Variants in NFIA observed in about 807,000 individuals in gnomAD.
The protein encoded by NFIA is nuclear factor I A, also known as nuclear factor 1 A-type.
NFIA carries 8 observed loss-of-function variants against 62.8 expected under a neutral mutation model. The observed-to-expected ratio is 0.13, with a 90% CI of 0.07 to 0.23. The LOEUF is 0.23. NFIA is among the 10% of genes least tolerant of loss of function. NFIA has a pLI of 1.00. For synonymous variants in NFIA, 235 were observed against 238.1 expected (o/e 0.99, Z 0.12); for missense variants, 410 against 642.1 (o/e 0.64, Z 3.91).
chr1:61,296,606 A>G (rs1032492141), intron 3 of NFIA, among the ~76,000 whole-genome samples: 1 of 152,178 alleles, frequency 6.6e-6, no homozygotes, highest in African/African-American at 2.4e-5. Flanking sequence ...ATAAGATTTA[A>G]ATCCCTGACA....
intron 9 of NFIA, among the ~76,000 whole-genome samples, chr1:61,407,604 T>G (rs1557763719): frequency 1.3e-5 from 2 of 152,012 alleles, no homozygotes. Context: ...ATAGATGGTG[T>G]GATGAGCACC....
At chr1:61,237,124 A>G (rs1381137550) in intron 2 of NFIA, among the ~76,000 whole-genome samples, 1 of 152,166 alleles carries the variant, frequency 6.6e-6, no homozygotes, top group East Asian at 1.9e-4. Context: ...CTCCACCACC[A>G]TGTTGAATGA....
At chr1:61,453,605 T>C (rs912063303) in intron 10 of NFIA, among the ~76,000 whole-genome samples, 10 of 152,000 alleles carry the variant, frequency 6.6e-5, no homozygotes, top group African/African-American at 2.2e-4. Context: ...AGAACTACCT[T>C]AGTGTCAGAT....
intron 4 of NFIA, 77 bp downstream of exon 4, chr1:61,332,663 C>A: frequency 8.5e-7 from 1 of 1,180,718 alleles, no homozygotes; most frequent in Non-Finnish European, 1.2e-6. Context: ...CTCCTAGAGA[C>A]CAAAAAAAGC....
At chr1:61,371,735 A>G (rs1295685211) in intron 6 of NFIA, among the ~76,000 whole-genome samples, 2 of 152,120 alleles carry the variant, frequency 1.3e-5, no homozygotes, top group African/African-American at 4.8e-5. Context: ...GGCAATTGTC[A>G]TTTGAGAGTT....
At chr1:61,402,419 A>G (rs1665613348) in intron 7 of NFIA, among the ~76,000 whole-genome samples, 2 of 152,046 alleles carry the variant, frequency 1.3e-5, no homozygotes, top group Admixed American at 6.6e-5. Flanking sequence ...ATTTTATTCT[A>G]TGTTTAACGG....
intron 2 of NFIA, among the ~76,000 whole-genome samples, chr1:61,128,756 C>T (rs897484649): frequency 6.6e-6 from 1 of 151,932 alleles, no homozygotes; most frequent in African/African-American, 2.4e-5. Context: ...AATGATTTTA[C>T]ATATGTTAAG....
intron 8 of NFIA, among the ~76,000 whole-genome samples, chr1:61,405,617 G>A (rs1665778410): frequency 6.6e-6 from 1 of 152,100 alleles, no homozygotes; most frequent in Non-Finnish European, 1.5e-5. Flanking sequence ...AAACTGAGCT[G>A]ATCACCAGCA....
At chr1:61,305,330 A>G (rs768409489) in intron 3 of NFIA, among the ~76,000 whole-genome samples, 7 of 152,318 alleles carry the variant, frequency 4.6e-5, no homozygotes, top group South Asian at 2.1e-4. Context: ...GAGGTTAACC[A>G]TAAGCAACTC....
At chr1:61,402,570 G>A (rs111340539) in intron 7 of NFIA, among the ~76,000 whole-genome samples, 150 of 152,306 alleles carry the variant, frequency 9.8e-4, no homozygotes, top group African/African-American at 3.5e-3. Context: ...TGGGAGAAGT[G>A]TAAGCTTGAG....
At chr1:61,349,816 C>T (rs1048151849) in intron 4 of NFIA, among the ~76,000 whole-genome samples, 6 of 151,896 alleles carry the variant, frequency 4.0e-5, no homozygotes, top group Non-Finnish European at 7.4e-5. Context: ...TGGTCTTGAA[C>T]TTTTGGTCTC....
chr1:61,374,058 T>C (rs72666653), intron 6 of NFIA, among the ~76,000 whole-genome samples: 12,806 of 152,192 alleles, frequency 0.084, 625 homozygotes, highest in Middle Eastern at 0.13. Context: ...TTAATTTTAA[T>C]TAATTTAGAT....
At chr1:61,148,541 A>G (rs1193243403) in intron 2 of NFIA, among the ~76,000 whole-genome samples, 1 of 152,186 alleles carries the variant, frequency 6.6e-6, no homozygotes, top group Non-Finnish European at 1.5e-5. Context: ...TTGGGTAACA[A>G]CAGAGAGCTG....
At chr1:61,391,551 A>G (rs935443245) in intron 7 of NFIA, among the ~76,000 whole-genome samples, 2 of 151,944 alleles carry the variant, frequency 1.3e-5, no homozygotes, top group Non-Finnish European at 1.5e-5. Context: ...CCAGCCTAAT[A>G]TATGTTTGGT....
intron 1 of NFIA, 32 bp downstream of exon 1, chr1:61,082,850 G>T (rs1180507163): frequency 4.5e-6 from 7 of 1,546,862 alleles, no homozygotes; most frequent in Non-Finnish European, 6.1e-6. Context: ...GAGGGCTTGG[G>T]GGCCGGGGCG....
chr1:61,255,354 C>A lies in NFIA; in HGVS notation c.560-22166C>A, dbSNP rs956357930. 3.6e-4 allele frequency among the ~76,000 whole-genome samples: 55 copies of A among 152,166 alleles called. 2 individuals carry two copies. On this transcript the variant is annotated intron_variant, in intron 2 of 10. Coordinates refer to ENST00000403491, the MANE Select transcript of NFIA (RefSeq NM_001134673.4). ...TTCTAGCTTTTAAAAAATGTGTAATCTTCAATATGCAGTGATTCTCTTGGT... is the reference window on the plus strand; with the variant it reads ...TTCTAGCTTTTAAAAAATGTGTAATATTCAATATGCAGTGATTCTCTTGGT...
intron 2 of NFIA, among the ~76,000 whole-genome samples, chr1:61,138,360 T>A (rs1350262718): frequency 6.6e-6 from 1 of 152,116 alleles, no homozygotes; most frequent in Admixed American, 6.5e-5. Context: ...CTTCCCAAAG[T>A]ATTGGAATTA....
intron 7 of NFIA, among the ~76,000 whole-genome samples, chr1:61,395,348 G>A (rs1665215407): frequency 6.7e-6 from 1 of 149,016 alleles, no homozygotes; most frequent in Non-Finnish European, 1.5e-5. Flanking sequence ...GCACTTGGTC[G>A]TTACGCAAGA....
At chr1:61,118,450 C>G (rs1646829436) in intron 2 of NFIA, among the ~76,000 whole-genome samples, 1 of 152,128 alleles carries the variant, frequency 6.6e-6, no homozygotes, top group Non-Finnish European at 1.5e-5. Context: ...GCCCTGGTCT[C>G]ATGGAGTGTG....
Sources: allele counts gnomAD v4.1 joint callset (sites outside exome capture counted in the v4.1 genomes callset), GRCh38; gene constraint gnomAD v4.1.1; transcripts MANE v1.5; gene names NCBI Gene and HGNC (gene_info 2026-07-23, HGNC 2026-07-21).